Variants in CASR observed in about 807,000 individuals in gnomAD.
CASR encodes extracellular calcium-sensing receptor.
In CASR, 23 loss-of-function variants were observed where a neutral mutation model predicts 69.1. That is an observed-to-expected ratio of 0.33 (90% confidence interval 0.24 to 0.47). CASR has a LOEUF of 0.47. Among genes scored for constraint, CASR ranks in the 20% least tolerant of loss-of-function variants. The probability of loss-of-function intolerance (pLI) is 1.00; values close to 1 mark genes in which losing one functional copy is unlikely to be tolerated. For synonymous variants in CASR, 541 were observed against 544.7 expected (o/e 0.99, Z 0.10); for missense variants, 924 against 1,356.1 (o/e 0.68, Z 5.00).
At chr3:122,199,261 T>C (rs1389299504) in intron 1 of CASR, among the ~76,000 whole-genome samples, 1 of 152,246 alleles carries the variant, frequency 6.6e-6, no homozygotes, top group East Asian at 1.9e-4. Flanking sequence ...ACTCATCCAC[T>C]GCAAGTTCTT....
intron 1 of CASR, among the ~76,000 whole-genome samples, chr3:122,226,861 C>T (rs2074227859): frequency 6.6e-6 from 1 of 152,020 alleles, no homozygotes; most frequent in Admixed American, 6.5e-5. Context: ...CTGAGCTAGA[C>T]ACAGGGTGCT....
chr3:122,251,241 G>A (rs970111411), intron 1 of CASR, among the ~76,000 whole-genome samples: 1 of 152,188 alleles, frequency 6.6e-6, no homozygotes, highest in Non-Finnish European at 1.5e-5. Context: ...GGAATCAGAC[G>A]TTTATGAACA....
intron 4 of CASR, among the ~76,000 whole-genome samples, chr3:122,267,323 G>A (rs566396955): frequency 6.6e-5 from 10 of 152,210 alleles, no homozygotes; most frequent in Admixed American, 3.3e-4. Flanking sequence ...AGTGGATAAC[G>A]TACAAATTTT....
chr3:122,201,721 C>A (rs1433880600), intron 1 of CASR, among the ~76,000 whole-genome samples: 2 of 150,990 alleles, frequency 1.3e-5, no homozygotes, highest in African/African-American at 4.9e-5. Flanking sequence ...TTGGTGGAGA[C>A]GCTCCTCACT....
At chr3:122,250,319 T>A (rs1025622197) in intron 1 of CASR, among the ~76,000 whole-genome samples, 1 of 152,206 alleles carries the variant, frequency 6.6e-6, no homozygotes, top group Non-Finnish European at 1.5e-5. Flanking sequence ...GAGAGTTAAC[T>A]GCTACAAATT....
At chr3:122,265,142 G>T (rs753542993) in intron 4 of CASR, among the ~76,000 whole-genome samples, 1 of 152,082 alleles carries the variant, frequency 6.6e-6, no homozygotes. Context: ...TTTTCAAATC[G>T]TATTCCCACA....
Position 122,242,525 on chromosome 3 carries a change from A to G in CASR, c.-242-11423A>G, listed in dbSNP as rs569064107. On this transcript the variant is annotated intron_variant, in intron 1 of 6. Transcript: ENST00000639785. Reference sequence around the variant, plus strand: ...ATAAAACACTGATGAAAGAAATTGCAGAGGACACAAAAAAGGAAATATATT... The same window carrying G: ...ATAAAACACTGATGAAAGAAATTGCGGAGGACACAAAAAAGGAAATATATT... 2.6e-5 allele frequency among the ~76,000 whole-genome samples: 4 copies of G among 152,328 alleles called. No homozygotes were observed. The South Asian group carries it at 8.3e-4, about 32-fold the overall frequency.
rs1356911586 is a variant in CASR at position 122,261,971 on chromosome 3, C to G, written c.936C>G (p.His312Gln). Residue 312 changes from histidine (H) to glutamine (Q), a missense_variant, in exon 4 of 7, where the codon CAC (histidine) becomes CAG (glutamine). By Grantham distance (24) the His-to-Gln change is conservative (BLOSUM62 0). Transcript: ENST00000639785. ...SSLIAMPQYF[H>Q]VVGGTIGFAL... Reference sequence around the variant, plus strand: ...TGATCGCCATGCCTCAGTACTTCCACGTGGTTGGCGGCACCATTGGATTCG... The same window carrying G: ...TGATCGCCATGCCTCAGTACTTCCAGGTGGTTGGCGGCACCATTGGATTCG... The G allele has an allele frequency of 6.2e-7, 1 of 1,614,188 alleles. No individual in the cohort carries two copies. The highest frequency in any genetic ancestry group is 1.7e-5 in the Admixed American group (1 of 60,026).
chr3:122,252,057 G>A (rs976372621), intron 1 of CASR, among the ~76,000 whole-genome samples: 1 of 152,148 alleles, frequency 6.6e-6, no homozygotes, highest in African/African-American at 2.4e-5. Flanking sequence ...ATTTTGAGAG[G>A]CCAAGGTGGG....
intron 1 of CASR, among the ~76,000 whole-genome samples, chr3:122,196,115 TA>T (rs2073886603): frequency 6.6e-6 from 1 of 152,116 alleles, no homozygotes; most frequent in African/African-American, 2.4e-5. Flanking sequence ...GCATGATACA[TA>T]ATCAATGAAA....
chr3:122,243,821 A>G (rs1394675848), intron 1 of CASR, among the ~76,000 whole-genome samples: 1 of 151,626 alleles, frequency 6.6e-6, no homozygotes, highest in Non-Finnish European at 1.5e-5. Context: ...GTGTTACATA[A>G]ACACAATGGA....
chr3:122,240,445 C>T (rs1291442836), intron 1 of CASR, among the ~76,000 whole-genome samples: 1 of 151,998 alleles, frequency 6.6e-6, no homozygotes, highest in Non-Finnish European at 1.5e-5. Flanking sequence ...TGAAGAAGGT[C>T]GTTATATAAT....
chr3:122,237,501 C>G (rs1182498570), intron 1 of CASR, among the ~76,000 whole-genome samples: 1 of 152,096 alleles, frequency 6.6e-6, no homozygotes, highest in Non-Finnish European at 1.5e-5. Context: ...AGTCCAAATG[C>G]CCACCAATGG....
chr3:122,231,706 G>T (rs900492376), intron 1 of CASR, among the ~76,000 whole-genome samples: 1 of 150,660 alleles, frequency 6.6e-6, no homozygotes, highest in African/African-American at 2.4e-5. Flanking sequence ...GGAAAGAGCA[G>T]CCACAATTTT....
intron 4 of CASR, among the ~76,000 whole-genome samples, chr3:122,265,683 C>A (rs1386717852): frequency 6.6e-6 from 1 of 152,168 alleles, no homozygotes; most frequent in Non-Finnish European, 1.5e-5. Context: ...TCTGTTTGGA[C>A]AAGCTTTGGT....
At chr3:122,273,765 T>G (rs1327374776) in intron 4 of CASR, among the ~76,000 whole-genome samples, 1 of 152,084 alleles carries the variant, frequency 6.6e-6, no homozygotes, top group African/African-American at 2.4e-5. Flanking sequence ...AGAGCAAGGT[T>G]TCGAGCAATG....
In CASR at chr3:122,257,204, C is replaced by T. The variant is rs373057548; in HGVS notation, c.309C>T (p.Thr103=). The T allele has an allele frequency of 2.7e-5, 44 of 1,614,038 alleles. No individual in the cohort carries two copies. The highest frequency in any genetic ancestry group is 3.2e-5 in the Non-Finnish European group (38 of 1,180,008). The stretch of plus-strand genomic sequence containing the variant: ...ACAGGATATTTGACACTTGCAACAC[C>T]GTTTCTAAGGCCTTGGAAGCCACCC... The part of the protein sequence containing the change: ...LGYRIFDTCN[T]VSKALEATLS... The change falls in exon 3 of 7, where the codon ACC becomes ACT. Residue 103 remains threonine, a synonymous_variant. Transcript: ENST00000639785.
chr3:122,228,544 T>C (rs889063668), intron 1 of CASR, among the ~76,000 whole-genome samples: 8 of 152,272 alleles, frequency 5.3e-5, no homozygotes, highest in Non-Finnish European at 1.0e-4. Flanking sequence ...AGATTACACC[T>C]CATGTGTTTC....
rs139831864 is a variant in CASR, at chr3:122,198,490, T to A, written c.-243+14678T>A. On this transcript the variant is annotated intron_variant, in intron 1 of 6. Coordinates refer to ENST00000639785, the MANE Select transcript of CASR (RefSeq NM_000388.4). ...AAGTTGCAGACCAGAATGTATAATA[T>A]GATCCCATTTCTGTAAAAATTGTAT... 4.5e-3 allele frequency among the ~76,000 whole-genome samples: 680 copies of A among 152,286 alleles called. 3 individuals carry two copies. Among genetic ancestry groups the A allele is most frequent in the African/African-American group, 0.016 (654 of 41,568 alleles).
Sources: gnomAD v4.1 joint callset for allele counts (sites outside exome capture counted in the v4.1 genomes callset) on GRCh38, gnomAD v4.1.1 for gene constraint, MANE v1.5 for transcripts, NCBI Gene and HGNC (gene_info 2026-07-23, HGNC 2026-07-21) for gene names.